CACNB2: variants seen among roughly 807,000 people sequenced by gnomAD.
CACNB2 encodes voltage-dependent L-type calcium channel subunit beta-2.
In CACNB2, 42 loss-of-function variants were observed where a neutral mutation model predicts 73.3. That is an observed-to-expected ratio of 0.57 (90% CI 0.45 to 0.74). CACNB2 has a LOEUF of 0.74. Among genes scored for constraint, CACNB2 ranks in the 30% least tolerant of loss-of-function variants. The pLI, the probability that CACNB2 is intolerant of heterozygous loss-of-function variation, is 0.00. For missense variants in CACNB2, 940 were observed against 853.0 expected (o/e 1.10, Z -1.27); for synonymous variants, 348 against 310.3 (o/e 1.12, Z -1.28).
chr10:18,154,657 A>G (rs1365240300), intron 2 of CACNB2, among the ~76,000 whole-genome samples: 1 of 152,072 alleles, frequency 6.6e-6, no homozygotes, highest in Non-Finnish European at 1.5e-5. Context: ...TAGTAGAGAC[A>G]GGGTTTCGCC....
At chr10:18,392,090 G>A (rs1238101931) in intron 2 of CACNB2, among the ~76,000 whole-genome samples, 3 of 152,156 alleles carry the variant, frequency 2.0e-5, no homozygotes, top group Non-Finnish European at 4.4e-5. Context: ...CTTAGAGGAG[G>A]TGATAGAGTT....
intron 2 of CACNB2, among the ~76,000 whole-genome samples, chr10:18,341,774 T>C (rs867480843): frequency 4.1e-4 from 63 of 152,336 alleles, no homozygotes; most frequent in African/African-American, 1.4e-3. Context: ...AAATTTAGTA[T>C]AATAGAGAAA....
In CACNB2 at chr10:18,301,878, ACCTCGTGAT is replaced by A. The variant is rs1038853547; in HGVS notation, c.214-100041_214-100033del. 5.3e-5 allele frequency among the ~76,000 whole-genome samples: 8 copies of A among 151,778 alleles called. No homozygotes were observed. In the East Asian group the frequency reaches 1.4e-3, roughly 26 times the overall value. On this transcript the variant is annotated intron_variant, in intron 2 of 13. Transcript: ENST00000324631. ...TGGCCAGGCTGGTCTCGATCTCCTGACCTCGTGATCCTCCCACCTTGGCCCCCCAGGGTG... is the reference window on the plus strand; with the variant it reads ...TGGCCAGGCTGGTCTCGATCTCCTGACCTCCCACCTTGGCCCCCCAGGGTG...
chr10:18,489,500 C>T (rs2049284966), intron 3 of CACNB2, among the ~76,000 whole-genome samples: 1 of 150,156 alleles, frequency 6.7e-6, no homozygotes, highest in Non-Finnish European at 1.5e-5. Context: ...AGATTCAAAC[C>T]CCTGAATTCA....
chr10:18,358,642 A>G (rs1443181283), intron 2 of CACNB2, among the ~76,000 whole-genome samples: 1 of 151,580 alleles, frequency 6.6e-6, no homozygotes, highest in Non-Finnish European at 1.5e-5. Flanking sequence ...TGCTTGAGAC[A>G]TGCCAAGTTT....
At chr10:18,234,881 C>T (rs1370034973) in intron 2 of CACNB2, among the ~76,000 whole-genome samples, 2 of 152,258 alleles carry the variant, frequency 1.3e-5, no homozygotes, top group East Asian at 1.9e-4. Context: ...CGGTGACTCA[C>T]GCCTGTAATC....
chr10:18,239,510 C>T (rs925912031), intron 2 of CACNB2, among the ~76,000 whole-genome samples: 8 of 152,000 alleles, frequency 5.3e-5, no homozygotes, highest in East Asian at 1.9e-4. Flanking sequence ...CCCTGGTGTG[C>T]GTATATGTGT....
intron 1 of CACNB2, among the ~76,000 whole-genome samples, chr10:18,142,166 A>C (rs1224072875): frequency 6.6e-6 from 1 of 152,244 alleles, no homozygotes. Context: ...AGCTTTATTG[A>C]ACTTTCTTTT....
intron 2 of CACNB2, among the ~76,000 whole-genome samples, chr10:18,192,005 C>T (rs1490796260): frequency 6.6e-6 from 1 of 151,288 alleles, no homozygotes; most frequent in East Asian, 1.9e-4. Context: ...GTAAAAAGGA[C>T]TAAAGTGTGC....
Position 18,540,200 on chromosome 10 carries a change from G to A in CACNB2, c.*476G>A, listed in dbSNP as rs2053991345. ...GTACCTCTGGCTGACTAAATTTGGG[G>A]ACAGATTCAGTCTTGCCTTACACAA... On this transcript the variant is annotated 3_prime_UTR_variant, in exon 14 of 14. Coordinates refer to ENST00000324631, the MANE Select transcript of CACNB2 (RefSeq NM_201596.3). 1.1e-5 allele frequency: 2 copies of A among 184,970 alleles called. No individual in the cohort carries two copies. Among genetic ancestry groups the A allele is most frequent in the African/African-American group, 4.8e-5 (2 of 41,928 alleles). 11.5% of individuals were successfully genotyped at this position (184,970 alleles called of 1,614,324 possible).
intron 2 of CACNB2, among the ~76,000 whole-genome samples, chr10:18,291,171 T>C (rs1432997553): frequency 6.6e-6 from 1 of 152,230 alleles, no homozygotes; most frequent in Non-Finnish European, 1.5e-5. Context: ...CTATGTATTA[T>C]TTATTGAAAC....
At chr10:18,462,562 T>C (rs569534047) in intron 3 of CACNB2, among the ~76,000 whole-genome samples, 1 of 152,250 alleles carries the variant, frequency 6.6e-6, no homozygotes, top group African/African-American at 2.4e-5. Context: ...GCCTAGGAAC[T>C]ATTTATTAAG....
At chr10:18,259,735 A>G (rs1339997182) in intron 2 of CACNB2, among the ~76,000 whole-genome samples, 1 of 147,568 alleles carries the variant, frequency 6.8e-6, no homozygotes, top group East Asian at 2.0e-4. Context: ...TGTCTCAGAA[A>G]AAAAAAAAAA....
At chr10:18,450,449 G>T (rs979665266) in intron 3 of CACNB2, among the ~76,000 whole-genome samples, 1 of 152,080 alleles carries the variant, frequency 6.6e-6, no homozygotes, top group Non-Finnish European at 1.5e-5. Flanking sequence ...TCGAAACAGT[G>T]TGATGGGGGA....
At chr10:18,214,910 AT>A (rs1395493053) in intron 2 of CACNB2, among the ~76,000 whole-genome samples, 7 of 152,136 alleles carry the variant, frequency 4.6e-5, no homozygotes, top group African/African-American at 1.7e-4. Flanking sequence ...CACGCCAGGG[AT>A]TTTTTGCCCA....
At chr10:18,291,107 C>T (rs972795355) in intron 2 of CACNB2, among the ~76,000 whole-genome samples, 6 of 152,188 alleles carry the variant, frequency 3.9e-5, no homozygotes, top group African/African-American at 1.4e-4. Context: ...AGAGCGATAA[C>T]CTACGTCGTG....
chr10:18,335,818 C>CACACACACACACAT (rs2040982664), intron 2 of CACNB2, among the ~76,000 whole-genome samples: 3 of 151,236 alleles, frequency 2.0e-5, no homozygotes, highest in African/African-American at 7.3e-5. Flanking sequence ...CACACACACA[C>CACACACACACACAT]ACACACATAC....
intron 2 of CACNB2, among the ~76,000 whole-genome samples, chr10:18,361,333 T>C (rs1277528520): frequency 2.0e-3 from 273 of 134,960 alleles, no homozygotes; most frequent in African/African-American, 7.3e-3. Flanking sequence ...CTACAAAAAA[T>C]TAAAAAAAAA....
chr10:18,156,826 C>A (rs942446754), intron 2 of CACNB2, among the ~76,000 whole-genome samples: 1 of 150,144 alleles, frequency 6.7e-6, no homozygotes, highest in Admixed American at 6.6e-5. Flanking sequence ...GTCAGGAGAT[C>A]GAGACCAGCC....
Sources: allele counts gnomAD v4.1 joint callset (sites outside exome capture counted in the v4.1 genomes callset), GRCh38; gene constraint gnomAD v4.1.1; transcripts MANE v1.5; gene names NCBI Gene and HGNC (gene_info 2026-07-23, HGNC 2026-07-21).